The following COL24A1 variants were observed in gnomAD, a reference collection of about 807,000 sequenced individuals.
COL24A1 encodes the protein collagen type XXIV alpha 1 chain, also known as collagen alpha-1(XXIV) chain.
COL24A1 carries 224 observed loss-of-function variants against 253.9 expected under a neutral mutation model. That is an observed-to-expected ratio of 0.88 (90% CI 0.79 to 0.99). The LOEUF (loss-of-function observed/expected upper bound fraction) is 0.99. Among genes scored for constraint, COL24A1 ranks in the 50% least tolerant of loss-of-function variants. The pLI is 0.00. For missense variants in COL24A1, 2,131 were observed against 2,068.5 expected (o/e 1.03, Z -0.59); for synonymous variants, 685 against 673.7 (o/e 1.02, Z -0.26).
intron 7 of COL24A1, among the ~76,000 whole-genome samples, chr1:86,073,000 T>C (rs780384628): frequency 1.3e-5 from 2 of 152,108 alleles, no homozygotes; most frequent in African/African-American, 2.4e-5. Context: ...CAAAGGTAGA[T>C]AAATCCACAA....
Position 85,818,059 on chromosome 1 carries a change from C to T in COL24A1, c.3818G>A (p.Gly1273Asp). The T allele has an allele frequency of 4.3e-6, 7 of 1,613,618 alleles. No individual in the cohort carries two copies. The highest frequency in any genetic ancestry group is 5.9e-6 in the Non-Finnish European group (7 of 1,179,602). ...EGNKGKKGAP[G>D]PSGKPGIPGL... ...AGGAATCCCAGGTTTCCCAGAAGGA[C>T]CAGGAGCTCCTTTTTTCCCCTTATT... is the stretch of plus-strand genomic sequence containing the variant. The change falls in exon 46 of 60, where the codon GGT becomes GAT. Residue 1273 changes from glycine (G) to aspartate (D), a missense_variant. Gly to Asp is a moderately conservative substitution (Grantham distance 94, BLOSUM62 -1). Coordinates refer to ENST00000370571, the MANE Select transcript of COL24A1 (RefSeq NM_152890.7).
At chr1:86,062,032 T>C (rs1231247369) in intron 8 of COL24A1, among the ~76,000 whole-genome samples, 2 of 152,042 alleles carry the variant, frequency 1.3e-5, no homozygotes, top group Non-Finnish European at 2.9e-5. Context: ...GTGGATAAAA[T>C]AGAACAATGC....
intron 37 of COL24A1, among the ~76,000 whole-genome samples, chr1:85,863,550 T>C (rs1466564779): frequency 6.6e-6 from 1 of 151,996 alleles, no homozygotes; most frequent in East Asian, 1.9e-4. Context: ...AATTGACAAA[T>C]GGGATCTAAT....
chr1:85,774,479 G>A (rs557715207), intron 53 of COL24A1, among the ~76,000 whole-genome samples: 10 of 152,186 alleles, frequency 6.6e-5, no homozygotes, highest in Admixed American at 3.9e-4. Flanking sequence ...AGTAGAATTC[G>A]GCTGTGAATA....
chr1:85,950,377 G>A (rs1373744173), intron 24 of COL24A1, among the ~76,000 whole-genome samples: 3 of 152,138 alleles, frequency 2.0e-5, no homozygotes, highest in Non-Finnish European at 2.9e-5. Context: ...CTGAAAGTAA[G>A]TACAAAGGAA....
intron 2 of COL24A1, among the ~76,000 whole-genome samples, chr1:86,136,701 C>T (rs1294274074): frequency 1.3e-5 from 2 of 152,050 alleles, no homozygotes; most frequent in Non-Finnish European, 2.9e-5. Flanking sequence ...CACGACCTCT[C>T]AGCCATTATA....
chr1:86,131,882 T>G (rs1021365883), intron 2 of COL24A1, among the ~76,000 whole-genome samples: 1 of 152,194 alleles, frequency 6.6e-6, no homozygotes, highest in Non-Finnish European at 1.5e-5. Flanking sequence ...TACCCAGTAA[T>G]GGGATGGCTG....
At chr1:85,925,567 T>C (rs1420100293) in intron 24 of COL24A1, among the ~76,000 whole-genome samples, 1 of 152,016 alleles carries the variant, frequency 6.6e-6, no homozygotes, top group Non-Finnish European at 1.5e-5. Context: ...AAACAAGCAA[T>C]GGGGAAAGGA....
chr1:85,800,587 G>A (rs540455515), intron 47 of COL24A1, among the ~76,000 whole-genome samples: 1 of 152,266 alleles, frequency 6.6e-6, no homozygotes, highest in Admixed American at 6.5e-5. Flanking sequence ...AAAATGAGCA[G>A]AATTAAAGTG....
intron 55 of COL24A1, among the ~76,000 whole-genome samples, chr1:85,755,882 A>G (rs956071425): frequency 4.1e-5 from 6 of 144,942 alleles, no homozygotes; most frequent in Admixed American, 3.6e-4. Context: ...ACAAGAGAAC[A>G]AAGTAGATAA....
intron 43 of COL24A1, among the ~76,000 whole-genome samples, chr1:85,833,472 G>C (rs1194264643): frequency 6.6e-6 from 1 of 152,194 alleles, no homozygotes; most frequent in Non-Finnish European, 1.5e-5. Flanking sequence ...AACAACAGGT[G>C]CTGGAGAGGA....
chr1:86,023,156 CCA>C, intron 14 of COL24A1, 149 bp from the exon 15 acceptor site: 1 of 657,860 alleles, frequency 1.5e-6, no homozygotes, highest in Non-Finnish European at 2.6e-6. Context: ...ATTTTTCTCT[CCA>C]CATTTATAAA....
At chr1:86,124,234 C>G (rs1046355859) in intron 3 of COL24A1, among the ~76,000 whole-genome samples, 1 of 151,394 alleles carries the variant, frequency 6.6e-6, no homozygotes, top group African/African-American at 2.4e-5. Flanking sequence ...GTTTTTTTCC[C>G]CTCACTGAAT....
chr1:86,152,878 A>G (rs1311014856), intron 1 of COL24A1, among the ~76,000 whole-genome samples: 2 of 152,214 alleles, frequency 1.3e-5, no homozygotes, highest in African/African-American at 4.8e-5. Context: ...CAACAAATAC[A>G]TAACTTATCT....
chr1:85,763,190 G>T (rs1196976244), intron 53 of COL24A1, among the ~76,000 whole-genome samples: 1 of 152,118 alleles, frequency 6.6e-6, no homozygotes, highest in Admixed American at 6.5e-5. Flanking sequence ...GTCAAGGCCA[G>T]CGGATTGCCT....
At chr1:85,768,491 A>G (rs1461431164) in intron 53 of COL24A1, among the ~76,000 whole-genome samples, 1 of 151,914 alleles carries the variant, frequency 6.6e-6, no homozygotes, top group Non-Finnish European at 1.5e-5. Context: ...GCCAGTGAGG[A>G]AGAATGAGAG....
At chr1:85,883,062 C>T (rs1682046404) in intron 32 of COL24A1, among the ~76,000 whole-genome samples, 1 of 152,166 alleles carries the variant, frequency 6.6e-6, no homozygotes, top group Admixed American at 6.6e-5. Context: ...AAACCATTGA[C>T]ATTTAAGTGA....
intron 19 of COL24A1, among the ~76,000 whole-genome samples, chr1:86,012,929 A>G (rs886746248): frequency 7.3e-5 from 11 of 151,318 alleles, no homozygotes; most frequent in African/African-American, 2.7e-4. Flanking sequence ...CCTTAGGTCT[A>G]GACAATGTGT....
Position 85,799,165 on chromosome 1 carries a change from A to G in COL24A1, c.3952-12704T>C, listed in dbSNP as rs138716006. Reference sequence around the variant, plus strand: ...CACATGATCTTGAAAAAACATTGAAACTGCAGAGTGAATATGCCAAGAATT... The same window carrying G: ...CACATGATCTTGAAAAAACATTGAAGCTGCAGAGTGAATATGCCAAGAATT... On this transcript the variant is annotated intron_variant, in intron 47 of 59. Transcript: ENST00000370571. 3.7e-5 allele frequency among the ~76,000 whole-genome samples: 5 copies of G among 133,484 alleles called. No individual in the cohort carries two copies. The East Asian group carries it at 1.1e-3, about 30-fold the overall frequency. The allele number at this position is 133,484 out of a possible 152,430, so 87.6% of individuals were successfully genotyped here. A position where few individuals can be genotyped will look rare whatever the true frequency, so the allele number is the denominator to read the frequency against.
Sources: allele counts gnomAD v4.1 joint callset (sites outside exome capture counted in the v4.1 genomes callset), GRCh38; gene constraint gnomAD v4.1.1; transcripts MANE v1.5; gene names NCBI Gene and HGNC (gene_info 2026-07-23, HGNC 2026-07-21).